ZNF415: variants seen among roughly 807,000 people sequenced by gnomAD.
The protein encoded by ZNF415 is zinc finger protein 415.
ZNF415 carries 5 observed loss-of-function variants against 7.3 expected under a neutral mutation model. The observed-to-expected ratio is 0.69, with a 90% CI of 0.36 to 1.44. The LOEUF (loss-of-function observed/expected upper bound fraction) is 1.44, where lower values mean the gene tolerates loss of function less well. Among genes scored for constraint, ZNF415 ranks in the 40% most tolerant of loss-of-function variants. The pLI is 0.04. For synonymous variants in ZNF415, 207 were observed against 226.3 expected (o/e 0.91, Z 0.77); for missense variants, 628 against 664.8 (o/e 0.94, Z 0.61).
intron 2 of ZNF415, among the ~76,000 whole-genome samples, chr19:53,117,957 A>G (rs1454217033): frequency 6.6e-6 from 1 of 152,190 alleles, no homozygotes; most frequent in Non-Finnish European, 1.5e-5. Flanking sequence ...AAGCCCTCGC[A>G]TATCAATAAT....
chr19:53,109,948 G>C, intron 3 of ZNF415, 40 bp from the exon 4 acceptor site: 5 of 1,458,564 alleles, frequency 3.4e-6, no homozygotes, highest in Non-Finnish European at 4.6e-6. Flanking sequence ...ATTAATTAGA[G>C]ACAGTATATA....
chr19:53,130,871 A>G (rs970777491), intron 1 of ZNF415, among the ~76,000 whole-genome samples: 2 of 151,774 alleles, frequency 1.3e-5, no homozygotes, highest in Non-Finnish European at 2.9e-5. Context: ...GTCTTGAACT[A>G]CTGACCTTGT....
chr19:53,122,793 C>T, intron 1 of ZNF415, 50 bp from the exon 2 acceptor site: 1 of 1,408,258 alleles, frequency 7.1e-7, no homozygotes, highest in Admixed American at 1.7e-5. Context: ...AACACACCCC[C>T]TCTTGTGTGA....
chr19:53,129,799 T>G (rs2089804292), intron 1 of ZNF415: 2 of 391,398 alleles, frequency 5.1e-6, no homozygotes, highest in Non-Finnish European at 9.0e-6. Context: ...GCATGTTGGC[T>G]CGTGCCTGTA....
At chr19:53,112,365 A>G (rs1438424905) in intron 3 of ZNF415, among the ~76,000 whole-genome samples, 1 of 152,182 alleles carries the variant, frequency 6.6e-6, no homozygotes, top group Non-Finnish European at 1.5e-5. Context: ...GCATATGAAG[A>G]AAAGGAGCTA....
chr19:53,121,284 C>T (rs915774548), intron 2 of ZNF415, among the ~76,000 whole-genome samples: 187 of 148,750 alleles, frequency 1.3e-3, no homozygotes, highest in African/African-American at 4.5e-3. Context: ...ACCTGGGAGG[C>T]TGAGGCAGAG....
chr19:53,108,148 A>G lies in ZNF415; in HGVS notation c.*229T>C, dbSNP rs2085661708. On this transcript the variant is annotated 3_prime_UTR_variant, in exon 4 of 4. Coordinates refer to ENST00000243643, the MANE Select transcript of ZNF415 (RefSeq NM_018355.4). The stretch of plus-strand genomic sequence containing the variant: ...AAGCCTCTGCCACACAGTTAGGTGT[A>G]TATGATTTCTCTTTAGCATGGACTC... 1.1e-5 allele frequency: 6 copies of G among 542,352 alleles called. No homozygotes were observed. The South Asian group carries it at 1.6e-4, about 15-fold the overall frequency. The allele number at this position is 542,352 out of a possible 1,614,324, so 33.6% of individuals were successfully genotyped here.
At chr19:53,112,253 G>T (rs2086346788) in intron 3 of ZNF415, among the ~76,000 whole-genome samples, 1 of 152,128 alleles carries the variant, frequency 6.6e-6, no homozygotes, top group South Asian at 2.1e-4. Flanking sequence ...CATCAGACGT[G>T]TTTTTAAGCA....
chr19:53,124,901 G>A (rs971112568), intron 1 of ZNF415, among the ~76,000 whole-genome samples: 2 of 151,680 alleles, frequency 1.3e-5, no homozygotes, highest in African/African-American at 4.9e-5. Context: ...AGGAATTCTG[G>A]CTGTATGTTT....
At chr19:53,120,187 T>C (rs2087764013) in intron 2 of ZNF415, among the ~76,000 whole-genome samples, 1 of 152,140 alleles carries the variant, frequency 6.6e-6, no homozygotes, top group East Asian at 1.9e-4. Flanking sequence ...AAATGATAAA[T>C]ACTCAAGGTA....
intron 2 of ZNF415, among the ~76,000 whole-genome samples, chr19:53,119,440 A>G (rs190394534): frequency 0.027 from 2,600 of 95,832 alleles, 90 homozygotes; most frequent in African/African-American, 0.089. Flanking sequence ...GCAAGACTCC[A>G]TCTCAAAAAA....
In ZNF415 at chr19:53,108,263, G is replaced by A. The variant is rs2085673215; in HGVS notation, c.*114C>T. 2 of 946,948 alleles carry A rather than the reference G, an allele frequency of 2.1e-6. No individual in the cohort carries two copies. Among genetic ancestry groups the A allele is most frequent in the Non-Finnish European group, 3.1e-6 (2 of 645,494 alleles). 58.7% of individuals were successfully genotyped at this position (946,948 alleles called of 1,614,324 possible). A position where few individuals can be genotyped will look rare whatever the true frequency, so the allele number is the denominator to read the frequency against. ...AATGAAATTCTCTGATGCTGTGTAG[G>A]AGTGAATTGTGACTGAAAACCTTGC... is the stretch of plus-strand genomic sequence containing the variant. On this transcript the variant is annotated 3_prime_UTR_variant, in exon 4 of 4. Transcript: ENST00000243643.
chr19:53,122,834 C>T, intron 1 of ZNF415, 91 bp from the exon 2 acceptor site: 2 of 1,038,372 alleles, frequency 1.9e-6, no homozygotes, highest in Admixed American at 4.0e-5. Flanking sequence ...GAGGAGCTCG[C>T]CCTGTGCAAA....
chr19:53,122,779 A>C (rs760062791), intron 1 of ZNF415, 36 bp from the exon 2 acceptor site: 16 of 1,495,776 alleles, frequency 1.1e-5, no homozygotes, highest in South Asian at 9.2e-5. Context: ...TATTGCTTAG[A>C]AACAACACAC....
At position 53,109,267 on chromosome 19, in the gene ZNF415, C is replaced by T; in HGVS notation, c.778G>A (p.Ala260Thr). Residue 260 changes from alanine (A) to threonine (T), a missense_variant, in exon 4 of 4, where the codon GCG (alanine) becomes ACG (threonine). Physicochemically the swap from Ala to Thr is moderately conservative, Grantham distance 58. Coordinates refer to ENST00000243643, the MANE Select transcript of ZNF415 (RefSeq NM_018355.4). Reference protein sequence around the residue: ...GKVFSQKSNLARHWRVHTGEK... With the variant: ...GKVFSQKSNLTRHWRVHTGEK... ...CCAGTATGAACTCTCCAATGACGCG[C>T]AAGGTTTGATTTTTGACTAAAGACC... The T allele has an allele frequency of 6.2e-7, 1 of 1,614,154 alleles. No homozygotes were observed. The highest frequency in any genetic ancestry group is 1.1e-5 in the South Asian group (1 of 91,082).
At chr19:53,116,254 A>G (rs1357572627) in intron 3 of ZNF415, 59 bp downstream of exon 3, 3 of 1,557,838 alleles carry the variant, frequency 1.9e-6, no homozygotes, top group Non-Finnish European at 2.6e-6. Flanking sequence ...GAGGCACACA[A>G]GGGAAAATGG....
At position 53,108,606 on chromosome 19, in the gene ZNF415, T is replaced by C. The variant is rs751819054; in HGVS notation, c.1439A>G (p.His480Arg). The part of the protein sequence containing the change: ...CNQCGKGFSV[H>R]SSLTTHQVIH... ...GACCTGATGGGTAGTTAGGCTTGAA[T>C]GCACACTGAAGCCTTTGCCACATTG... The change falls in exon 4 of 4, where the codon CAT becomes CGT. Residue 480 changes from histidine to arginine, a missense_variant. Transcript: ENST00000243643. 1.2e-6 allele frequency: 2 copies of C among 1,614,160 alleles called. No individual in the cohort carries two copies. Among genetic ancestry groups the C allele is most frequent in the Non-Finnish European group, 1.7e-6 (2 of 1,180,026 alleles).
In ZNF415 at chr19:53,108,674, G is replaced by A. The variant is rs765707881; in HGVS notation, c.1371C>T (p.Thr457=). 1.2e-6 allele frequency: 2 copies of A among 1,614,028 alleles called. No homozygotes were observed. Among genetic ancestry groups the A allele is most frequent in the Admixed American group, 3.3e-5 (2 of 59,998 alleles). ...KAFSVHSNLT[T]HQVIHTGEKP... ...TCTCTCCAGTATGGATGACCTGATG[G>A]GTAGTTAAGTTCGAATGCACACTAA... is the stretch of plus-strand genomic sequence containing the variant. Residue 457 remains threonine, a synonymous_variant, in exon 4 of 4, where the codon ACC becomes ACT. Transcript: ENST00000243643.
At chr19:53,114,875 C>G (rs1033134054) in intron 3 of ZNF415, among the ~76,000 whole-genome samples, 1 of 152,152 alleles carries the variant, frequency 6.6e-6, no homozygotes, top group Admixed American at 6.5e-5. Flanking sequence ...TGCAGCTCCC[C>G]GGGGCCTCAG....
Sources: gnomAD v4.1 joint callset for allele counts (sites outside exome capture counted in the v4.1 genomes callset) on GRCh38, gnomAD v4.1.1 for gene constraint, MANE v1.5 for transcripts, NCBI Gene and HGNC (gene_info 2026-07-23, HGNC 2026-07-21) for gene names.